Variants in INPP4B observed in about 807,000 individuals in gnomAD.
INPP4B encodes the protein inositol polyphosphate-4-phosphatase type II B, also known as inositol polyphosphate 4-phosphatase type II.
A neutral mutation model predicts 122.5 loss-of-function variants in INPP4B; 55 were observed. The ratio of observed to expected loss-of-function variants is 0.45; its 90% CI spans 0.36 to 0.56. INPP4B has a LOEUF of 0.56. Ranked by LOEUF, INPP4B falls within the 20% of genes least tolerant of loss-of-function variation. The pLI, the probability that INPP4B is intolerant of heterozygous loss-of-function variation, is 0.00. For synonymous variants in INPP4B, 403 were observed against 388.7 expected (o/e 1.04, Z -0.43); for missense variants, 1,000 against 1,097.7 (o/e 0.91, Z 1.26).
intron 9 of INPP4B, among the ~76,000 whole-genome samples, chr4:142,299,374 C>A (rs927517166): frequency 6.8e-6 from 1 of 147,522 alleles, no homozygotes; most frequent in East Asian, 2.0e-4. Context: ...GTTATAGTTG[C>A]GAACCACTGA....
chr4:142,492,473 A>G (rs1483800359), intron 2 of INPP4B, among the ~76,000 whole-genome samples: 1 of 152,106 alleles, frequency 6.6e-6, no homozygotes, highest in African/African-American at 2.4e-5. Flanking sequence ...GAAAATTTGG[A>G]ACTTCCTAGA....
chr4:142,705,234 T>G (rs1417286431), intron 2 of INPP4B, among the ~76,000 whole-genome samples: 1 of 152,192 alleles, frequency 6.6e-6, no homozygotes, highest in Non-Finnish European at 1.5e-5. Flanking sequence ...CCATCGGTTC[T>G]CTATTGCCAA....
At chr4:142,465,059 G>A (rs1037813175) in intron 2 of INPP4B, among the ~76,000 whole-genome samples, 5 of 152,176 alleles carry the variant, frequency 3.3e-5, no homozygotes, top group African/African-American at 9.7e-5. Flanking sequence ...AGTCCATAGT[G>A]TCCAAACAAG....
chr4:142,627,955 T>G (rs1163201918), intron 2 of INPP4B, among the ~76,000 whole-genome samples: 1 of 152,040 alleles, frequency 6.6e-6, no homozygotes, highest in Non-Finnish European at 1.5e-5. Flanking sequence ...ATTCAGAGAT[T>G]CAACTTCTTC....
chr4:142,598,754 G>A (rs1041283199), intron 2 of INPP4B, among the ~76,000 whole-genome samples: 2 of 152,160 alleles, frequency 1.3e-5, no homozygotes, highest in African/African-American at 2.4e-5. Context: ...TGTAAGCAGA[G>A]AATGAGAGCC....
chr4:142,651,788 G>T (rs879028514), intron 2 of INPP4B, among the ~76,000 whole-genome samples: 3 of 152,172 alleles, frequency 2.0e-5, no homozygotes, highest in African/African-American at 7.2e-5. Flanking sequence ...AAATCTATGA[G>T]ATGTACATAG....
chr4:142,097,241 T>TTTTA (rs1385155759), intron 23 of INPP4B, among the ~76,000 whole-genome samples: 3 of 148,668 alleles, frequency 2.0e-5, no homozygotes, highest in African/African-American at 7.4e-5. Context: ...TTTTATTTTA[T>TTTTA]TTTATTTTAT....
At chr4:142,311,485 A>G (rs1255181868) in intron 8 of INPP4B, among the ~76,000 whole-genome samples, 2 of 152,184 alleles carry the variant, frequency 1.3e-5, no homozygotes, top group Non-Finnish European at 2.9e-5. Flanking sequence ...TTGGCAAAAT[A>G]AAATCATGGT....
chr4:142,252,277 C>G (rs973786100), intron 11 of INPP4B, among the ~76,000 whole-genome samples: 1 of 150,350 alleles, frequency 6.7e-6, no homozygotes, highest in Non-Finnish European at 1.5e-5. Flanking sequence ...CAAGCTCCGC[C>G]TCCCGGGTTC....
chr4:142,156,834 T>C (rs1280208519), intron 17 of INPP4B, among the ~76,000 whole-genome samples: 4 of 152,110 alleles, frequency 2.6e-5, no homozygotes, highest in South Asian at 4.1e-4. Context: ...AGGATTTAAG[T>C]GTAATCTAAC....
chr4:142,353,041 A>G (rs1782401696), intron 7 of INPP4B, among the ~76,000 whole-genome samples: 1 of 151,990 alleles, frequency 6.6e-6, no homozygotes, highest in African/African-American at 2.4e-5. Context: ...CCAATGTGCT[A>G]CCACCGAGGA....
intron 2 of INPP4B, among the ~76,000 whole-genome samples, chr4:142,549,485 G>A (rs1421397258): frequency 3.9e-5 from 6 of 152,154 alleles, no homozygotes; most frequent in Non-Finnish European, 1.5e-5. Flanking sequence ...AAAGTGAGGG[G>A]TAGGTGCAGA....
intron 1 of INPP4B, among the ~76,000 whole-genome samples, chr4:142,742,386 G>A (rs331950): frequency 0.47 from 71,657 of 151,768 alleles, 19,598 homozygotes; most frequent in African/African-American, 0.77. Flanking sequence ...TTTTATTTCT[G>A]TTTTCATTTT....
At chr4:142,357,657 G>A (rs1002810014) in intron 7 of INPP4B, among the ~76,000 whole-genome samples, 6 of 150,942 alleles carry the variant, frequency 4.0e-5, no homozygotes, top group African/African-American at 1.5e-4. Context: ...TACTGAATAA[G>A]ATGGGTATTA....
intron 7 of INPP4B, among the ~76,000 whole-genome samples, chr4:142,402,083 C>A (rs1801798168): frequency 6.6e-6 from 1 of 152,124 alleles, no homozygotes; most frequent in Non-Finnish European, 1.5e-5. Flanking sequence ...TGTGGGATTC[C>A]CCAGGTCCAG....
intron 1 of INPP4B, among the ~76,000 whole-genome samples, chr4:142,739,050 T>C (rs916511118): frequency 6.6e-6 from 1 of 152,060 alleles, no homozygotes; most frequent in Non-Finnish European, 1.5e-5. Flanking sequence ...ACAATCACCA[T>C]CAACAATGTC....
intron 7 of INPP4B, among the ~76,000 whole-genome samples, chr4:142,396,923 G>A (rs1579948262): frequency 6.6e-6 from 1 of 151,984 alleles, no homozygotes; most frequent in East Asian, 1.9e-4. Flanking sequence ...TTTGCCTCAG[G>A]TTGTATGGGG....
intron 3 of INPP4B, among the ~76,000 whole-genome samples, chr4:142,446,298 TA>T: frequency 6.6e-6 from 1 of 151,944 alleles, no homozygotes; most frequent in South Asian, 2.1e-4. Flanking sequence ...AGAAACATAT[TA>T]AATGATTATC....
chr4:142,308,856 G>A (rs1764399901), intron 8 of INPP4B, among the ~76,000 whole-genome samples: 1 of 152,116 alleles, frequency 6.6e-6, no homozygotes, highest in Non-Finnish European at 1.5e-5. Flanking sequence ...TCAGAGGTCT[G>A]AAGTGTGGCT....
Sources: gnomAD v4.1 joint callset for allele counts (sites outside exome capture counted in the v4.1 genomes callset) on GRCh38, gnomAD v4.1.1 for gene constraint, MANE v1.5 for transcripts, NCBI Gene and HGNC (gene_info 2026-07-23, HGNC 2026-07-21) for gene names.